Variants in FILIP1L observed in about 807,000 individuals in gnomAD.
FILIP1L encodes filamin A interacting protein 1 like.
FILIP1L carries 55 observed loss-of-function variants against 96.6 expected under a neutral mutation model. The ratio of observed to expected loss-of-function variants is 0.57; its 90% CI spans 0.46 to 0.71. FILIP1L has a LOEUF of 0.71. Ranked by LOEUF, FILIP1L falls within the 30% of genes least tolerant of loss-of-function variation. The pLI is 0.00. For synonymous variants in FILIP1L, 467 were observed against 473.9 expected, an observed-to-expected ratio of 0.99 and a Z score of 0.19; for missense variants, 1,304 against 1,321.2, an observed-to-expected ratio of 0.99 and a Z score of 0.20.
chr3:100,042,932 T>C (rs2065228332), intron 1 of FILIP1L, among the ~76,000 whole-genome samples: 1 of 152,224 alleles, frequency 6.6e-6, no homozygotes, highest in Non-Finnish European at 1.5e-5. Context: ...ACATTCATCA[T>C]GGAAAAATGT....
At chr3:99,946,849 A>G (rs944294199) in intron 1 of FILIP1L, among the ~76,000 whole-genome samples, 2 of 152,172 alleles carry the variant, frequency 1.3e-5, no homozygotes, top group African/African-American at 4.8e-5. Flanking sequence ...CAAATTGCCA[A>G]TAGGCACTGT....
intron 1 of FILIP1L, among the ~76,000 whole-genome samples, chr3:100,005,058 C>T (rs140281833): frequency 6.0e-4 from 92 of 152,212 alleles, no homozygotes; most frequent in Admixed American, 1.9e-3. Context: ...TGCAGCAGGA[C>T]GTAACCAGAA....
intron 4 of FILIP1L, among the ~76,000 whole-genome samples, chr3:99,906,832 T>C (rs559142370): frequency 1.3e-5 from 2 of 152,288 alleles, no homozygotes; most frequent in East Asian, 3.9e-4. Context: ...CAAGACACTT[T>C]TCATGTATTT....
At chr3:99,912,452 CT>C in intron 4 of FILIP1L, among the ~76,000 whole-genome samples, 1 of 152,306 alleles carries the variant, frequency 6.6e-6, no homozygotes, top group Non-Finnish European at 1.5e-5. Flanking sequence ...TCTCGGCTTA[CT>C]GCAGCCTTGA....
chr3:100,092,614 A>G (rs1321793187), intron 1 of FILIP1L, among the ~76,000 whole-genome samples: 1 of 149,598 alleles, frequency 6.7e-6, no homozygotes, highest in Non-Finnish European at 1.5e-5. Context: ...GGGTTAAATG[A>G]GTCAATGCAT....
At chr3:99,839,725 T>TCATA (rs1943047626) in intron 5 of FILIP1L, among the ~76,000 whole-genome samples, 1 of 152,160 alleles carries the variant, frequency 6.6e-6, no homozygotes, top group Admixed American at 6.5e-5. Flanking sequence ...ATATAGATGT[T>TCATA]CAAGTATGAA....
At chr3:100,057,011 A>G (rs1212279214) in intron 1 of FILIP1L, among the ~76,000 whole-genome samples, 1 of 151,944 alleles carries the variant, frequency 6.6e-6, no homozygotes, top group Non-Finnish European at 1.5e-5. Flanking sequence ...CTCAAAAAAA[A>G]AAGAATTGGG....
At chr3:100,094,391 T>G (rs533097575) in intron 1 of FILIP1L, among the ~76,000 whole-genome samples, 1 of 152,268 alleles carries the variant, frequency 6.6e-6, no homozygotes, top group South Asian at 2.1e-4. Context: ...TTATTTTCAT[T>G]CCCTTAACAG....
chr3:99,983,385 AATAAATATATAT>A (rs1240210928), intron 1 of FILIP1L, among the ~76,000 whole-genome samples: 7 of 84,060 alleles, frequency 8.3e-5, no homozygotes, highest in South Asian at 4.0e-4. Context: ...AAAATAAATA[AATAAATATATAT>A]ATATATATAT....
chr3:100,066,778 G>A (rs553262730), intron 1 of FILIP1L, among the ~76,000 whole-genome samples: 6 of 94,580 alleles, frequency 6.3e-5, no homozygotes, highest in African/African-American at 1.0e-4. Flanking sequence ...TGATCCGCCC[G>A]CCTCGGCCTC....
intron 1 of FILIP1L, among the ~76,000 whole-genome samples, chr3:99,985,576 T>G (rs1226564284): frequency 2.0e-5 from 3 of 152,014 alleles, no homozygotes; most frequent in African/African-American, 7.2e-5. Flanking sequence ...TGAATTTCTT[T>G]TATAATCATG....
intron 4 of FILIP1L, among the ~76,000 whole-genome samples, chr3:99,896,432 T>G (rs1706255419): frequency 6.6e-6 from 1 of 152,180 alleles, no homozygotes; most frequent in African/African-American, 2.4e-5. Context: ...AGTGTATATA[T>G]TTTCTAGGCT....
intron 5 of FILIP1L, among the ~76,000 whole-genome samples, chr3:99,838,146 G>T (rs922334058): frequency 3.3e-5 from 5 of 152,176 alleles, no homozygotes; most frequent in Non-Finnish European, 7.3e-5. Context: ...AGGATAAAGT[G>T]GACACTGACT....
intron 1 of FILIP1L, among the ~76,000 whole-genome samples, chr3:99,959,072 C>T (rs1304934765): frequency 1.3e-5 from 2 of 152,084 alleles, no homozygotes; most frequent in Non-Finnish European, 2.9e-5. Context: ...AATTTGAAAA[C>T]ACATCAGGAT....
intron 5 of FILIP1L, among the ~76,000 whole-genome samples, chr3:99,832,556 A>AG (rs1942713263): frequency 1.1e-5 from 1 of 87,514 alleles, no homozygotes; most frequent in Admixed American, 1.0e-4. Flanking sequence ...AAAAAAAAAA[A>AG]AAAAGGCCTA....
chr3:99,943,150 A>C (rs749677478), intron 1 of FILIP1L, among the ~76,000 whole-genome samples: 1 of 152,210 alleles, frequency 6.6e-6, no homozygotes, highest in Non-Finnish European at 1.5e-5. Flanking sequence ...TGATAACAAG[A>C]ACAGGTTCCT....
chr3:99,944,429 T>C (rs1464504246), intron 1 of FILIP1L, among the ~76,000 whole-genome samples: 1 of 152,176 alleles, frequency 6.6e-6, no homozygotes, highest in Non-Finnish European at 1.5e-5. Context: ...GTCACGTCTG[T>C]CTCTCCACCA....
intron 1 of FILIP1L, among the ~76,000 whole-genome samples, chr3:100,062,407 G>C (rs148431761): frequency 6.6e-6 from 1 of 151,860 alleles, no homozygotes; most frequent in Non-Finnish European, 1.5e-5. Flanking sequence ...CACCGCGCCC[G>C]GTCTATCCTG....
chr3:99,872,159 G>A (rs1380197191), intron 4 of FILIP1L, among the ~76,000 whole-genome samples: 2 of 152,008 alleles, frequency 1.3e-5, no homozygotes, highest in African/African-American at 4.8e-5. Flanking sequence ...GTGTCTCTGG[G>A]GCAAGTCACA....
Sources: allele counts gnomAD v4.1 joint callset (sites outside exome capture counted in the v4.1 genomes callset), GRCh38; gene constraint gnomAD v4.1.1; transcripts MANE v1.5; gene names NCBI Gene and HGNC (gene_info 2026-07-23, HGNC 2026-07-21).